The following RNFT2 variants were observed in gnomAD, a reference collection of about 807,000 sequenced individuals.
The protein encoded by RNFT2 is E3 ubiquitin-protein ligase RNFT2.
A neutral mutation model predicts 53.0 loss-of-function variants in RNFT2; 36 were observed. That is an observed-to-expected ratio of 0.68 (90% CI 0.52 to 0.90). RNFT2 has a LOEUF of 0.90. Among genes scored for constraint, RNFT2 ranks in the 40% least tolerant of loss-of-function variants. The pLI is 0.00. For missense variants in RNFT2, 514 were observed against 585.6 expected (o/e 0.88, Z 1.26); for synonymous variants, 260 against 253.2 (o/e 1.03, Z -0.26).
chr12:116,774,908 C>T (rs1275585047), intron 6 of RNFT2, among the ~76,000 whole-genome samples: 1 of 151,496 alleles, frequency 6.6e-6, no homozygotes, highest in Non-Finnish European at 1.5e-5. Context: ...CCCATCAAAG[C>T]AGGCTGAGTC....
chr12:116,799,945 A>T (rs2088232), intron 7 of RNFT2, among the ~76,000 whole-genome samples: 1 of 152,192 alleles, frequency 6.6e-6, no homozygotes, highest in Non-Finnish European at 1.5e-5. Context: ...GGTGAATCTC[A>T]TGTGAATGGC....
chr12:116,786,949 ATGCCTCTCTC>A lies in RNFT2; in HGVS notation c.882+7613_882+7622del, dbSNP rs369097268. 3.0e-3 allele frequency among the ~76,000 whole-genome samples: 451 copies of A among 152,222 alleles called. 2 individuals are homozygous for A. Among genetic ancestry groups the A allele is most frequent in the Middle Eastern group, 0.02 (6 of 294 alleles). Reference sequence around the variant, plus strand: ...ATGGTCTTCTCCTCTTCTGTGAATGATGCCTCTCTCTGCCTCTCTCTTATAAGGACACATG... The same window carrying A: ...ATGGTCTTCTCCTCTTCTGTGAATGATGCCTCTCTCTTATAAGGACACATG... On this transcript the variant is annotated intron_variant, in intron 7 of 10. Coordinates refer to ENST00000257575, the MANE Select transcript of RNFT2 (RefSeq NM_001382266.1).
intron 7 of RNFT2, among the ~76,000 whole-genome samples, chr12:116,817,617 C>T (rs1463060142): frequency 1.3e-5 from 2 of 152,218 alleles, no homozygotes; most frequent in East Asian, 3.8e-4. Flanking sequence ...GAATGCCAAA[C>T]TTGTCACTAC....
intron 7 of RNFT2, among the ~76,000 whole-genome samples, chr12:116,821,065 G>C (rs1172743564): frequency 6.6e-6 from 1 of 152,212 alleles, no homozygotes; most frequent in East Asian, 1.9e-4. Context: ...TGCCGTTCCT[G>C]GCCCCTGGTA....
At chr12:116,809,190 C>T (rs931155084) in intron 7 of RNFT2, among the ~76,000 whole-genome samples, 1 of 1,382 alleles carries the variant, frequency 7.2e-4, no homozygotes, top group Non-Finnish European at 1.2e-3. Flanking sequence ...TGAGTTTGTT[C>T]ATTCATTCAT....
intron 7 of RNFT2, among the ~76,000 whole-genome samples, chr12:116,823,979 A>G (rs1264234479): frequency 6.6e-6 from 1 of 152,156 alleles, no homozygotes; most frequent in East Asian, 1.9e-4. Flanking sequence ...CAGAATCAGA[A>G]TTCAAATTCA....
At position 116,836,201 on chromosome 12, in the gene RNFT2, C is replaced by G. The variant is rs777211877; in HGVS notation, c.1119C>G (p.Thr373=). 6.3e-7 allele frequency: 1 copy of G among 1,595,470 alleles called. No homozygotes were observed. Among genetic ancestry groups the G allele is most frequent in the African/African-American group, 1.3e-5 (1 of 74,616 alleles). Residue 373 remains threonine, a synonymous_variant, in exon 10 of 11, where the codon ACC becomes ACG. Coordinates refer to ENST00000257575, the MANE Select transcript of RNFT2 (RefSeq NM_001382266.1). ...CAAAGAACTATGGAGTCCGAGCCAC[C>G]GGGCAGCAGTGCACAGAAGCTGGTG... ...CTSQNYGVRA[T]GQQCTEAGDI... is the part of the protein sequence containing the mutation.
chr12:116,829,948 C>T (rs1876553365), intron 7 of RNFT2, among the ~76,000 whole-genome samples: 1 of 151,668 alleles, frequency 6.6e-6, no homozygotes, highest in Non-Finnish European at 1.5e-5. Context: ...CATAAAAACA[C>T]AAAGAGAATG....
Position 116,779,602 on chromosome 12 carries a change from C to T in RNFT2, c.882+254C>T, listed in dbSNP as rs528678890. Among the ~76,000 whole-genome samples the T allele has an allele frequency of 6.6e-5, 10 of 152,288 alleles. No homozygotes were observed. In the South Asian group the frequency reaches 1.9e-3, roughly 28 times the overall value. ...TCCTAAGTTAGGTTGTTCACAGCTA[C>T]CCTTGATGCAATTTTCATCCACATT... is the stretch of plus-strand genomic sequence containing the variant. On this transcript the variant is annotated intron_variant, in intron 7 of 10. Coordinates refer to ENST00000257575, the MANE Select transcript of RNFT2 (RefSeq NM_001382266.1).
chr12:116,833,656 C>G, intron 7 of RNFT2, 136 bp from the exon 8 acceptor site: 2 of 854,202 alleles, frequency 2.3e-6, no homozygotes, highest in Non-Finnish European at 3.7e-6. Context: ...AGGAGCTGGC[C>G]TGAGTGCTTT....
chr12:116,816,281 C>T (rs1875662773), intron 7 of RNFT2, among the ~76,000 whole-genome samples: 1 of 152,130 alleles, frequency 6.6e-6, no homozygotes, highest in African/African-American at 2.4e-5. Flanking sequence ...GTTCATGGGG[C>T]CGATGCTCTT....
At chr12:116,794,693 A>AGGGAGGGAGGGAGGGC (rs1455354982) in intron 7 of RNFT2, among the ~76,000 whole-genome samples, 1 of 88,618 alleles carries the variant, frequency 1.1e-5, no homozygotes, top group African/African-American at 4.4e-5. Context: ...GGAGGGAGGG[A>AGGGAGGGAGGGAGGGC]AGGGAAGGGA....
chr12:116,821,377 A>G (rs1876011421), intron 7 of RNFT2, among the ~76,000 whole-genome samples: 1 of 152,168 alleles, frequency 6.6e-6, no homozygotes, highest in Non-Finnish European at 1.5e-5. Flanking sequence ...GAGGAGACCC[A>G]GCACGGGCCT....
chr12:116,791,157 C>T (rs1874213330), intron 7 of RNFT2, among the ~76,000 whole-genome samples: 1 of 152,340 alleles, frequency 6.6e-6, no homozygotes, highest in South Asian at 2.1e-4. Flanking sequence ...CTCCTGGCAA[C>T]TGCCAATCTG....
rs1278721900 is a variant in RNFT2, at chr12:116,753,098, C to G, written c.551-886C>G. ...TTTTTTTTTCTCATTGAACATTAAA[C>G]TTGAATTCCTTATGGCGTTGTAAGT... On this transcript the variant is annotated intron_variant, in intron 4 of 10. Coordinates refer to ENST00000257575, the MANE Select transcript of RNFT2 (RefSeq NM_001382266.1). Among the ~76,000 whole-genome samples the G allele has an allele frequency of 3.3e-5, 5 of 149,446 alleles. No homozygotes were observed. In the East Asian group the frequency reaches 9.8e-4, roughly 29 times the overall value.
chr12:116,753,591 G>T (rs1364272886), intron 4 of RNFT2, among the ~76,000 whole-genome samples: 1 of 152,160 alleles, frequency 6.6e-6, no homozygotes, highest in Non-Finnish European at 1.5e-5. Flanking sequence ...CCTCTATGAG[G>T]TATAAGTAAT....
chr12:116,741,889 G>A (rs770206623), intron 3 of RNFT2, among the ~76,000 whole-genome samples: 5 of 152,080 alleles, frequency 3.3e-5, no homozygotes, highest in Admixed American at 6.5e-5. Flanking sequence ...GGGCTCAAGC[G>A]ATCTTCCTAC....
chr12:116,807,367 C>T (rs991549054), intron 7 of RNFT2, among the ~76,000 whole-genome samples: 10 of 152,030 alleles, frequency 6.6e-5, no homozygotes, highest in African/African-American at 1.7e-4. Flanking sequence ...GATAATACGA[C>T]GGAGTAATAA....
intron 7 of RNFT2, among the ~76,000 whole-genome samples, chr12:116,819,724 T>C (rs770709471): frequency 2.0e-5 from 3 of 152,222 alleles, no homozygotes; most frequent in Non-Finnish European, 4.4e-5. Flanking sequence ...CTCGCCCTTC[T>C]CTTGCCTTTT....
Sources: gnomAD v4.1 joint callset for allele counts (sites outside exome capture counted in the v4.1 genomes callset) on GRCh38, gnomAD v4.1.1 for gene constraint, MANE v1.5 for transcripts, NCBI Gene and HGNC (gene_info 2026-07-23, HGNC 2026-07-21) for gene names.